The following SSPN variants were observed in gnomAD, a reference collection of about 807,000 sequenced individuals.
SSPN encodes the protein K-ras oncogene-associated protein.
In SSPN, 15 loss-of-function variants were observed where a neutral mutation model predicts 19.1. That is an observed-to-expected ratio of 0.78 (90% CI 0.52 to 1.21). The LOEUF (loss-of-function observed/expected upper bound fraction) is 1.21. Among genes scored for constraint, SSPN ranks in the 50% most tolerant of loss-of-function variants. The pLI is 0.00. For missense variants in SSPN, 291 were observed against 314.0 expected (o/e 0.93, Z 0.55); for synonymous variants, 147 against 140.3 (o/e 1.05, Z -0.34).
At chr12:26,208,066 AT>A (rs1944948195) in intron 1 of SSPN, among the ~76,000 whole-genome samples, 2 of 152,026 alleles carry the variant, frequency 1.3e-5, no homozygotes, top group Non-Finnish European at 2.9e-5. Flanking sequence ...GTTGAAGAAA[AT>A]TTGTTTTCAA....
At chr12:26,167,764 G>C (rs959025358) in intron 1 of SSPN, among the ~76,000 whole-genome samples, 10 of 152,096 alleles carry the variant, frequency 6.6e-5, no homozygotes, top group Admixed American at 5.9e-4. Flanking sequence ...AAGTAGAATT[G>C]GTTCTAGAGC....
chr12:26,144,530 T>C (rs1451216975), intron 1 of SSPN, among the ~76,000 whole-genome samples: 1 of 152,188 alleles, frequency 6.6e-6, no homozygotes, highest in East Asian at 1.9e-4. Flanking sequence ...ATGTAACATA[T>C]ACATTCTGCG....
At chr12:26,158,727 C>T (rs558422802) in intron 1 of SSPN, among the ~76,000 whole-genome samples, 2 of 152,376 alleles carry the variant, frequency 1.3e-5, no homozygotes, top group African/African-American at 4.8e-5. Flanking sequence ...ACCCCTGGAA[C>T]CCCTTTTAGC....
In SSPN at chr12:26,124,271, C is replaced by A. The variant is rs571805206; in HGVS notation, c.-31+2119C>A. 93 of 716,356 alleles carry A rather than the reference C, an allele frequency of 1.3e-4. 1 individual carries two copies. The highest frequency in any genetic ancestry group is 1.3e-3 in the South Asian group (86 of 66,726). 44.4% of individuals were successfully genotyped at this position (716,356 alleles called of 1,614,324 possible). ...CTCGTCTGCCCCCCCCGCCCCCCCA[C>A]CATAAAACATACTATGTGATAAACT... is the stretch of plus-strand genomic sequence containing the variant. On this transcript the variant is annotated intron_variant, in intron 1 of 2. Coordinates refer to the SSPN transcript ENST00000538142.
intron 1 of SSPN, among the ~76,000 whole-genome samples, chr12:26,178,289 T>G (rs368627652): frequency 1.4e-4 from 21 of 152,202 alleles, no homozygotes; most frequent in Admixed American, 1.0e-3. Context: ...TTTCCTCATC[T>G]GTTGAATGGA....
intron 1 of SSPN, among the ~76,000 whole-genome samples, chr12:26,200,476 C>A (rs149772251): frequency 6.6e-6 from 1 of 152,194 alleles, no homozygotes; most frequent in African/African-American, 2.4e-5. Flanking sequence ...TACCATGAAA[C>A]TCACAAGCAG....
chr12:26,202,843 A>C (rs1245610322), intron 1 of SSPN, among the ~76,000 whole-genome samples: 1 of 152,228 alleles, frequency 6.6e-6, no homozygotes, highest in Non-Finnish European at 1.5e-5. Context: ...ACTGTAGGAT[A>C]GTGTATTAGT....
intron 1 of SSPN, among the ~76,000 whole-genome samples, chr12:26,165,442 T>A (rs1944614617): frequency 6.6e-6 from 1 of 152,218 alleles, no homozygotes; most frequent in African/African-American, 2.4e-5. Context: ...CCTAATTGAA[T>A]ATTTTCGATT....
At chr12:26,180,947 C>G (rs1379260028) in intron 1 of SSPN, 1 of 152,214 alleles carries the variant, frequency 6.6e-6, no homozygotes, top group Non-Finnish European at 1.5e-5. Context: ...GCAACAATTC[C>G]TACTGTCTGC....
At chr12:26,189,546 A>T (rs1944775219) in intron 1 of SSPN, among the ~76,000 whole-genome samples, 1 of 152,092 alleles carries the variant, frequency 6.6e-6, no homozygotes, top group Admixed American at 6.5e-5. Flanking sequence ...AGGCATCCCT[A>T]TCACTTTCTG....
At chr12:26,139,883 G>A (rs903589698) in intron 1 of SSPN, among the ~76,000 whole-genome samples, 14 of 152,048 alleles carry the variant, frequency 9.2e-5, no homozygotes, top group Admixed American at 5.2e-4. Flanking sequence ...TTTCTGAAGC[G>A]GACACTCTTT....
chr12:26,147,786 T>A (rs377030794), intron 1 of SSPN, among the ~76,000 whole-genome samples: 1 of 152,270 alleles, frequency 6.6e-6, no homozygotes, highest in African/African-American at 2.4e-5. Context: ...CAAGTGAATG[T>A]GTGCAGAGCC....
chr12:26,214,426 A>G (rs755987), intron 1 of SSPN, among the ~76,000 whole-genome samples: 76,111 of 152,040 alleles, frequency 0.5, 19,641 homozygotes, highest in East Asian at 0.81. Context: ...CACAGCCATC[A>G]ATTCTGTGAT....
At chr12:26,148,336 T>C (rs1165244903) in intron 1 of SSPN, among the ~76,000 whole-genome samples, 1 of 152,224 alleles carries the variant, frequency 6.6e-6, no homozygotes, top group African/African-American at 2.4e-5. Flanking sequence ...AGATGCTGCA[T>C]TTTGTATTTT....
chr12:26,224,160 G>A, intron 1 of SSPN, 133 bp from the exon 2 acceptor site: 1 of 660,992 alleles, frequency 1.5e-6, no homozygotes, highest in Non-Finnish European at 2.7e-6. Context: ...GAAAAACACA[G>A]TACATAAAGA....
At chr12:26,175,994 G>A (rs908717946) in intron 1 of SSPN, among the ~76,000 whole-genome samples, 29 of 152,008 alleles carry the variant, frequency 1.9e-4, no homozygotes, top group African/African-American at 5.6e-4. Flanking sequence ...ATGCCACCAC[G>A]TCTGGCTAAT....
At chr12:26,225,512 G>A (rs1437544200) in intron 2 of SSPN, among the ~76,000 whole-genome samples, 1 of 152,090 alleles carries the variant, frequency 6.6e-6, no homozygotes, top group Non-Finnish European at 1.5e-5. Flanking sequence ...GCATTTTGCA[G>A]TTTTTCTCTA....
intron 1 of SSPN, among the ~76,000 whole-genome samples, chr12:26,161,238 A>T (rs1944586819): frequency 6.6e-6 from 1 of 151,804 alleles, no homozygotes; most frequent in South Asian, 2.1e-4. Flanking sequence ...GCCCTTCATG[A>T]TCAGTTTCTA....
intron 1 of SSPN, among the ~76,000 whole-genome samples, chr12:26,136,581 G>A (rs1591844588): frequency 2.0e-5 from 3 of 152,124 alleles, no homozygotes; most frequent in South Asian, 4.1e-4. Flanking sequence ...GAGCTGCTTG[G>A]TTAAAATTAT....
Sources: allele counts gnomAD v4.1 joint callset (sites outside exome capture counted in the v4.1 genomes callset), GRCh38; gene constraint gnomAD v4.1.1; transcripts MANE v1.5; gene names NCBI Gene and HGNC (gene_info 2026-07-23, HGNC 2026-07-21).